Variants in TNKS observed in about 807,000 individuals in gnomAD.
TNKS encodes tankyrase, also known as poly [ADP-ribose] polymerase tankyrase-1.
TNKS carries 72 observed loss-of-function variants against 135.8 expected under a neutral mutation model. That is an observed-to-expected ratio of 0.53 (90% CI 0.44 to 0.64). The LOEUF is 0.64. Ranked by LOEUF, TNKS falls within the 30% of genes least tolerant of loss-of-function variation. The pLI is 0.00. For missense variants in TNKS, 1,769 were observed against 1,674.0 expected (o/e 1.06, Z -0.99); for synonymous variants, 849 against 649.3 (o/e 1.31, Z -4.68).
intron 12 of TNKS, among the ~76,000 whole-genome samples, chr8:9,724,778 A>G (rs1031168321): frequency 2.6e-5 from 4 of 152,172 alleles, no homozygotes; most frequent in Admixed American, 6.5e-5. Context: ...TTCTTTTCTC[A>G]TAGTTCCAGA....
chr8:9,766,883 C>A (rs1411606763), intron 25 of TNKS, among the ~76,000 whole-genome samples: 1 of 152,172 alleles, frequency 6.6e-6, no homozygotes, highest in Non-Finnish European at 1.5e-5. Context: ...AACAGCTGAT[C>A]AGCCTCTTCT....
intron 3 of TNKS, among the ~76,000 whole-genome samples, chr8:9,634,989 C>G (rs1022796992): frequency 6.6e-6 from 1 of 151,016 alleles, no homozygotes; most frequent in Non-Finnish European, 1.5e-5. Flanking sequence ...CACGGTGAAA[C>G]CCCGTCTCTA....
chr8:9,680,348 T>C (rs1452675627), intron 4 of TNKS, among the ~76,000 whole-genome samples: 1 of 142,872 alleles, frequency 7.0e-6, no homozygotes, highest in Admixed American at 7.0e-5. Flanking sequence ...AATCCTCATC[T>C]ATTTTTTTTG....
At chr8:9,568,902 CTG>C (rs1385455539) in intron 1 of TNKS, among the ~76,000 whole-genome samples, 5 of 152,120 alleles carry the variant, frequency 3.3e-5, no homozygotes, top group Admixed American at 3.3e-4. Context: ...TATACTTCTG[CTG>C]TGTTAGAATC....
At chr8:9,563,812 G>A (rs192286109) in intron 1 of TNKS, among the ~76,000 whole-genome samples, 1,767 of 152,012 alleles carry the variant, frequency 0.012, 13 homozygotes, top group African/African-American at 0.022. Flanking sequence ...AATTGTCTGC[G>A]GGGATGTTAT....
intron 11 of TNKS, among the ~76,000 whole-genome samples, chr8:9,717,313 T>G (rs570161937): frequency 4.0e-5 from 6 of 151,764 alleles, no homozygotes; most frequent in Admixed American, 1.3e-4. Context: ...TCATTCCTCA[T>G]AGGAAGTGCT....
chr8:9,652,751 T>A (rs1483514393), intron 3 of TNKS, among the ~76,000 whole-genome samples: 1 of 152,206 alleles, frequency 6.6e-6, no homozygotes, highest in Non-Finnish European at 1.5e-5. Context: ...TCATCATCAC[T>A]ATCATCTTGT....
chr8:9,722,180 G>C (rs1804919128), intron 12 of TNKS, among the ~76,000 whole-genome samples: 1 of 151,930 alleles, frequency 6.6e-6, no homozygotes, highest in African/African-American at 2.4e-5. Flanking sequence ...AACTATATTA[G>C]AAGACAAAAC....
intron 5 of TNKS, among the ~76,000 whole-genome samples, chr8:9,685,091 T>C (rs9650639): frequency 0.62 from 94,626 of 151,902 alleles, 29,868 homozygotes; most frequent in Middle Eastern, 0.72. Flanking sequence ...GTGTCAACTT[T>C]CTGTAAATAT....
At chr8:9,585,139 C>G (rs1387891434) in intron 2 of TNKS, among the ~76,000 whole-genome samples, 1 of 150,294 alleles carries the variant, frequency 6.7e-6, no homozygotes, top group Non-Finnish European at 1.5e-5. Flanking sequence ...AACTCAAAAC[C>G]GAAATAAAAA....
At chr8:9,617,976 C>G (rs1351941663) in intron 3 of TNKS, among the ~76,000 whole-genome samples, 1 of 129,440 alleles carries the variant, frequency 7.7e-6, no homozygotes, top group Non-Finnish European at 1.6e-5. Context: ...GTGACAATCT[C>G]TTTTTTGGTT....
intron 5 of TNKS, among the ~76,000 whole-genome samples, chr8:9,695,355 AT>A (rs1803464336): frequency 6.6e-6 from 1 of 152,102 alleles, no homozygotes; most frequent in African/African-American, 2.4e-5. Context: ...TACTGACTTA[AT>A]TTTTTCAGAA....
chr8:9,661,824 G>C (rs894507275), intron 3 of TNKS, among the ~76,000 whole-genome samples: 3 of 152,012 alleles, frequency 2.0e-5, no homozygotes, highest in Non-Finnish European at 4.4e-5. Flanking sequence ...AAAATTTTTT[G>C]CAACCTACTC....
intron 3 of TNKS, among the ~76,000 whole-genome samples, chr8:9,663,711 A>C (rs1325525369): frequency 1.3e-5 from 2 of 152,192 alleles, no homozygotes; most frequent in African/African-American, 2.4e-5. Flanking sequence ...AGTGGTGCCC[A>C]CAGAACTCAG....
At chr8:9,719,175 G>C (rs1259093412) in intron 11 of TNKS, among the ~76,000 whole-genome samples, 1 of 152,120 alleles carries the variant, frequency 6.6e-6, no homozygotes, top group East Asian at 1.9e-4. Context: ...CTATTTCATG[G>C]GAGTTTTGTG....
intron 7 of TNKS, among the ~76,000 whole-genome samples, 163 bp from the exon 8 acceptor site, chr8:9,706,648 A>G (rs896706508): frequency 1.3e-5 from 2 of 152,258 alleles, no homozygotes; most frequent in Admixed American, 6.5e-5. Flanking sequence ...TTTTTAAAAC[A>G]TTGAATTTAA....
At chr8:9,655,841 G>T (rs4841193) in intron 3 of TNKS, among the ~76,000 whole-genome samples, 124 of 152,198 alleles carry the variant, frequency 8.1e-4, no homozygotes, top group African/African-American at 2.8e-3. Context: ...AGCGCCTCTC[G>T]TCCTCCAAAG....
At chr8:9,753,195 C>G (rs1400725345) in intron 20 of TNKS, among the ~76,000 whole-genome samples, 1 of 152,148 alleles carries the variant, frequency 6.6e-6, no homozygotes, top group Non-Finnish European at 1.5e-5. Flanking sequence ...GCAACTACCT[C>G]AAAAGAATGT....
At chr8:9,660,223 C>T (rs936902329) in intron 3 of TNKS, among the ~76,000 whole-genome samples, 27 of 152,304 alleles carry the variant, frequency 1.8e-4, no homozygotes, top group African/African-American at 6.5e-4. Context: ...CGGAATCCTC[C>T]CTAACTCATT....
Sources: allele counts gnomAD v4.1 joint callset (sites outside exome capture counted in the v4.1 genomes callset), GRCh38; gene constraint gnomAD v4.1.1; transcripts MANE v1.5; gene names NCBI Gene and HGNC (gene_info 2026-07-23, HGNC 2026-07-21).